SAMD12: variants seen among roughly 807,000 people sequenced by gnomAD.
SAMD12 encodes sterile alpha motif domain-containing protein 12.
SAMD12 carries 9 observed loss-of-function variants against 15.0 expected under a neutral mutation model. The observed-to-expected ratio is 0.60, with a 90% confidence interval of 0.36 to 1.05. The LOEUF (loss-of-function observed/expected upper bound fraction) is 1.05, where lower values mean the gene tolerates loss of function less well. Among genes scored for constraint, SAMD12 ranks in the 50% least tolerant of loss-of-function variants. The pLI is 0.01. For synonymous variants in SAMD12, 86 were observed against 90.1 expected (o/e 0.96, Z 0.25); for missense variants, 230 against 234.2 (o/e 0.98, Z 0.12).
At chr8:118,304,777 T>C (rs1163950254) in intron 4 of SAMD12, among the ~76,000 whole-genome samples, 1 of 148,330 alleles carries the variant, frequency 6.7e-6, no homozygotes, top group African/African-American at 2.5e-5. Context: ...AATAAATAAA[T>C]AAATAAATAA....
intron 4 of SAMD12, among the ~76,000 whole-genome samples, chr8:118,351,973 A>C (rs1210667769): frequency 3.9e-5 from 6 of 152,202 alleles, no homozygotes; most frequent in Admixed American, 6.5e-5. Flanking sequence ...TTATCCAACC[A>C]ATGTATTTGG....
chr8:118,171,669 AGGGACTGG>A, the SAMD12 span, among the ~76,000 whole-genome samples: 67 of 151,766 alleles, frequency 4.4e-4, 1 homozygote, highest in African/African-American at 1.6e-3. Flanking sequence ...AGTGGTTGCC[AGGGACTGG>A]GAGGAGAGGA....
the SAMD12 span, among the ~76,000 whole-genome samples, chr8:118,179,784 A>G: frequency 2.4e-4 from 36 of 152,200 alleles, no homozygotes; most frequent in African/African-American, 8.4e-4. Flanking sequence ...ATACGGGACT[A>G]GGCAGGATTT....
intron 1 of SAMD12, among the ~76,000 whole-genome samples, chr8:118,591,774 C>T (rs945875001): frequency 6.6e-6 from 1 of 152,034 alleles, no homozygotes; most frequent in African/African-American, 2.4e-5. Flanking sequence ...AATATCTCCA[C>T]CTCATAACAT....
At chr8:118,419,750 C>T (rs997050970) in intron 3 of SAMD12, among the ~76,000 whole-genome samples, 2 of 152,112 alleles carry the variant, frequency 1.3e-5, no homozygotes, top group Admixed American at 6.6e-5. Context: ...AGGTTAAGAT[C>T]CTTATGGAAT....
intron 2 of SAMD12, among the ~76,000 whole-genome samples, chr8:118,479,453 A>T (rs1391172996): frequency 6.6e-6 from 1 of 152,168 alleles, no homozygotes; most frequent in East Asian, 1.9e-4. Flanking sequence ...GAAAGCGGAA[A>T]CCCCTTATAA....
chr8:118,570,906 C>T (rs1019381793), intron 2 of SAMD12, among the ~76,000 whole-genome samples: 1 of 152,116 alleles, frequency 6.6e-6, no homozygotes, highest in Admixed American at 6.5e-5. Context: ...AAGAGGAGTT[C>T]CCCTGCACAA....
At chr8:118,262,337 T>C (rs1234607452) in intron 4 of SAMD12, among the ~76,000 whole-genome samples, 1 of 152,114 alleles carries the variant, frequency 6.6e-6, no homozygotes, top group African/African-American at 2.4e-5. Context: ...ATTTCACACA[T>C]TTTCAAATAC....
At chr8:118,570,841 T>C (rs2131234103) in intron 2 of SAMD12, among the ~76,000 whole-genome samples, 1 of 152,248 alleles carries the variant, frequency 6.6e-6, no homozygotes, top group Non-Finnish European at 1.5e-5. Flanking sequence ...GGCAAGTCTT[T>C]CCCATGCTGT....
intron 4 of SAMD12, among the ~76,000 whole-genome samples, chr8:118,258,199 A>C (rs1812997814): frequency 6.6e-6 from 1 of 152,148 alleles, no homozygotes; most frequent in African/African-American, 2.4e-5. Flanking sequence ...GTGAATTTAA[A>C]AGAGAACTGC....
intron 4 of SAMD12, among the ~76,000 whole-genome samples, chr8:118,357,426 C>A (rs1818286649): frequency 6.6e-6 from 1 of 151,950 alleles, no homozygotes; most frequent in Non-Finnish European, 1.5e-5. Flanking sequence ...TTAGTACAGA[C>A]AAGGTTTACC....
chr8:118,496,160 A>G (rs778833865), intron 2 of SAMD12, among the ~76,000 whole-genome samples: 2 of 152,196 alleles, frequency 1.3e-5, no homozygotes, highest in African/African-American at 2.4e-5. Flanking sequence ...GGATTCAATG[A>G]TATTCCTATC....
At chr8:118,338,438 T>A (rs1817187878) in intron 4 of SAMD12, among the ~76,000 whole-genome samples, 1 of 152,174 alleles carries the variant, frequency 6.6e-6, no homozygotes, top group Non-Finnish European at 1.5e-5. Flanking sequence ...AGACAGTGAG[T>A]TTATGTTTAC....
At chr8:118,597,456 G>A (rs556261946) in intron 1 of SAMD12, among the ~76,000 whole-genome samples, 1 of 152,310 alleles carries the variant, frequency 6.6e-6, no homozygotes, top group African/African-American at 2.4e-5. Context: ...TTGAATTGAT[G>A]GGCCTTGCCC....
At chr8:118,484,819 T>C (rs1383736450) in intron 2 of SAMD12, among the ~76,000 whole-genome samples, 1 of 152,116 alleles carries the variant, frequency 6.6e-6, no homozygotes, top group East Asian at 1.9e-4. Context: ...TCTAGAAGGG[T>C]GGTTACAAAC....
At chr8:118,280,953 T>C (rs1007314630) in intron 4 of SAMD12, among the ~76,000 whole-genome samples, 3 of 152,184 alleles carry the variant, frequency 2.0e-5, no homozygotes, top group African/African-American at 7.2e-5. Flanking sequence ...CCCTTTTTTG[T>C]CCCATATTAA....
intron 2 of SAMD12, among the ~76,000 whole-genome samples, chr8:118,449,637 A>C (rs904278070): frequency 1.3e-5 from 2 of 151,590 alleles, no homozygotes; most frequent in African/African-American, 4.8e-5. Flanking sequence ...GTCTCTACTA[A>C]AAATACAAAA....
At chr8:118,216,007 A>T (rs1189980933) in intron 4 of SAMD12, among the ~76,000 whole-genome samples, 1 of 151,464 alleles carries the variant, frequency 6.6e-6, no homozygotes, top group Non-Finnish European at 1.5e-5. Flanking sequence ...GTCAAATGGT[A>T]TTTCTAGTTC....
the SAMD12 span, among the ~76,000 whole-genome samples, chr8:118,144,793 G>A: frequency 0.57 from 87,016 of 152,010 alleles, 25,733 homozygotes; most frequent in Middle Eastern, 0.68. Context: ...ACGAGGATGC[G>A]TTTTAGAAAG....
Sources: allele counts gnomAD v4.1 joint callset (sites outside exome capture counted in the v4.1 genomes callset), GRCh38; gene constraint gnomAD v4.1.1; transcripts MANE v1.5; gene names NCBI Gene and HGNC (gene_info 2026-07-23, HGNC 2026-07-21).